Variants in HCN1 observed in about 807,000 individuals in gnomAD.
The protein encoded by HCN1 is potassium/sodium hyperpolarization-activated cyclic nucleotide-gated channel 1.
A neutral mutation model predicts 78.9 loss-of-function variants in HCN1; 13 were observed. The ratio of observed to expected loss-of-function variants is 0.16; its 90% confidence interval spans 0.11 to 0.26. The LOEUF is 0.26. HCN1 is among the 10% of genes least tolerant of loss of function. The probability of loss-of-function intolerance (pLI) is 1.00; values close to 1 mark genes in which losing one functional copy is unlikely to be tolerated. For synonymous variants in HCN1, 552 were observed against 455.5 expected, an observed-to-expected ratio of 1.21 and a Z score of -2.70; for missense variants, 810 against 1,154.3, an observed-to-expected ratio of 0.70 and a Z score of 4.32.
chr5:45,354,018 A>G (rs1746962918), intron 4 of HCN1, among the ~76,000 whole-genome samples: 1 of 151,780 alleles, frequency 6.6e-6, no homozygotes, highest in African/African-American at 2.4e-5. Flanking sequence ...ATTTATATTT[A>G]TACACACATG....
At chr5:45,488,476 T>G (rs757244850) in intron 2 of HCN1, among the ~76,000 whole-genome samples, 5 of 152,172 alleles carry the variant, frequency 3.3e-5, no homozygotes, top group Non-Finnish European at 7.4e-5. Context: ...ACTGTTTATA[T>G]TCTGTTGTTA....
At chr5:45,493,934 C>T (rs910548747) in intron 2 of HCN1, among the ~76,000 whole-genome samples, 1 of 152,096 alleles carries the variant, frequency 6.6e-6, no homozygotes, top group African/African-American at 2.4e-5. Flanking sequence ...ATGAACTCAT[C>T]ATTTTTTATG....
intron 4 of HCN1, among the ~76,000 whole-genome samples, chr5:45,374,019 T>TAA (rs1747513754): frequency 9.5e-6 from 1 of 105,196 alleles, no homozygotes; most frequent in Non-Finnish European, 1.8e-5. Context: ...ATAATATATA[T>TAA]TATATATATT....
intron 1 of HCN1, among the ~76,000 whole-genome samples, chr5:45,694,664 T>C (rs988825857): frequency 5.9e-5 from 9 of 152,216 alleles, no homozygotes; most frequent in African/African-American, 2.2e-4. Context: ...GAGTTACTAG[T>C]TCTGGATTTT....
chr5:45,304,075 A>G (rs1054918354), intron 5 of HCN1, among the ~76,000 whole-genome samples: 1 of 152,128 alleles, frequency 6.6e-6, no homozygotes, highest in Non-Finnish European at 1.5e-5. Context: ...AATATTCGAT[A>G]AATGTTAATT....
At chr5:45,267,773 G>T (rs951316083) in intron 6 of HCN1, among the ~76,000 whole-genome samples, 1 of 151,664 alleles carries the variant, frequency 6.6e-6, no homozygotes, top group African/African-American at 2.4e-5. Context: ...TCTCAAAAAA[G>T]ACAACAACAA....
At chr5:45,341,015 T>C (rs1367562369) in intron 5 of HCN1, among the ~76,000 whole-genome samples, 1 of 152,232 alleles carries the variant, frequency 6.6e-6, no homozygotes, top group African/African-American at 2.4e-5. Context: ...TTTAACTAGA[T>C]AACATTTCCT....
intron 2 of HCN1, among the ~76,000 whole-genome samples, chr5:45,572,463 G>A (rs1743855461): frequency 6.6e-6 from 1 of 152,004 alleles, no homozygotes; most frequent in Non-Finnish European, 1.5e-5. Context: ...ATAATATTAA[G>A]GATTCACACA....
intron 4 of HCN1, among the ~76,000 whole-genome samples, chr5:45,376,236 C>CTATATAGAA (rs1443601098): frequency 3.6e-5 from 1 of 27,950 alleles, no homozygotes; most frequent in Non-Finnish European, 7.3e-5. Context: ...AATATATATT[C>CTATATAGAA]TATATATTCT....
intron 2 of HCN1, among the ~76,000 whole-genome samples, chr5:45,507,023 T>A (rs1742319146): frequency 6.6e-6 from 1 of 152,168 alleles, no homozygotes; most frequent in African/African-American, 2.4e-5. Flanking sequence ...ACAGGGCCAT[T>A]AGTTGAAAGA....
Position 45,358,126 on chromosome 5 carries a change from C to A in HCN1, c.1231-4880G>T, listed in dbSNP as rs182017256. 3.8e-4 allele frequency among the ~76,000 whole-genome samples: 58 copies of A among 152,058 alleles called. No individual in the cohort carries two copies. The East Asian group carries it at 4.5e-3, about 12-fold the overall frequency. ...TAACCTTTCTTCTTTATTAATTACC[C>A]GATCTTAGGTTTTCCTTTTTAGCAA... On this transcript the variant is annotated intron_variant, in intron 4 of 7. Coordinates refer to ENST00000303230, the MANE Select transcript of HCN1 (RefSeq NM_021072.4).
Position 45,655,851 on chromosome 5 carries a change from A to G in HCN1, c.426-10243T>C, listed in dbSNP as rs192770999. Reference sequence around the variant, plus strand: ...GCCCACAAAGATATCTCACTGGTGCATTGACCAAAGTCAGTTCAGATGCTC... The same window carrying G: ...GCCCACAAAGATATCTCACTGGTGCGTTGACCAAAGTCAGTTCAGATGCTC... On this transcript the variant is annotated intron_variant, in intron 1 of 7. Coordinates refer to ENST00000303230, the MANE Select transcript of HCN1 (RefSeq NM_021072.4). Among the ~76,000 whole-genome samples the G allele has an allele frequency of 1.2e-4, 18 of 152,294 alleles. No homozygotes were observed. In the East Asian group the frequency reaches 3.3e-3, roughly 28 times the overall value.
intron 2 of HCN1, among the ~76,000 whole-genome samples, chr5:45,594,162 G>A (rs1224160653): frequency 6.6e-6 from 1 of 152,140 alleles, no homozygotes; most frequent in Non-Finnish European, 1.5e-5. Context: ...CAGCCTCTCA[G>A]GGCTCAGAGG....
At chr5:45,414,684 T>C (rs913703938) in intron 3 of HCN1, among the ~76,000 whole-genome samples, 1 of 152,016 alleles carries the variant, frequency 6.6e-6, no homozygotes, top group Non-Finnish European at 1.5e-5. Context: ...GGAGAGTGCA[T>C]ACTTATCAAA....
chr5:45,502,160 C>T (rs1448485121), intron 2 of HCN1, among the ~76,000 whole-genome samples: 1 of 151,992 alleles, frequency 6.6e-6, no homozygotes, highest in African/African-American at 2.4e-5. Flanking sequence ...GACATCTATA[C>T]TTTATCCTTA....
chr5:45,365,488 C>A (rs921623391), intron 4 of HCN1, among the ~76,000 whole-genome samples: 1 of 151,848 alleles, frequency 6.6e-6, no homozygotes, highest in Non-Finnish European at 1.5e-5. Context: ...AGAATAATGG[C>A]CTCAAACTCC....
At chr5:45,694,956 A>C (rs1739976694) in intron 1 of HCN1, 1 of 152,216 alleles carries the variant, frequency 6.6e-6, no homozygotes. Context: ...TCTATTTCAG[A>C]AAGGGGCTCT....
chr5:45,318,427 G>A (rs1733543483), intron 5 of HCN1, among the ~76,000 whole-genome samples: 1 of 152,022 alleles, frequency 6.6e-6, no homozygotes, highest in Non-Finnish European at 1.5e-5. Flanking sequence ...GGTGGGGGAG[G>A]GAGGAAGGAT....
chr5:45,517,130 A>G (rs983687554), intron 2 of HCN1, among the ~76,000 whole-genome samples: 5 of 152,034 alleles, frequency 3.3e-5, no homozygotes, highest in Non-Finnish European at 7.4e-5. Flanking sequence ...CTAACAAGCC[A>G]TAAGTATAAG....
Sources: gnomAD v4.1 joint callset for allele counts (sites outside exome capture counted in the v4.1 genomes callset) on GRCh38, gnomAD v4.1.1 for gene constraint, MANE v1.5 for transcripts, NCBI Gene and HGNC (gene_info 2026-07-23, HGNC 2026-07-21) for gene names.